FHIT: variants seen among roughly 807,000 people sequenced by gnomAD.
FHIT encodes fragile histidine triad diadenosine triphosphatase.
FHIT carries 19 observed loss-of-function variants against 17.9 expected under a neutral mutation model. The ratio of observed to expected loss-of-function variants is 1.06; its 90% CI spans 0.74 to 1.56. The LOEUF is 1.56. Ranked by LOEUF, FHIT falls within the 40% of genes most tolerant of loss-of-function variation. FHIT has a pLI of 0.00. For missense variants in FHIT, 248 were observed against 189.2 expected (o/e 1.31, Z -1.82); for synonymous variants, 81 against 69.7 (o/e 1.16, Z -0.81).
intron 4 of FHIT, among the ~76,000 whole-genome samples, chr3:60,537,670 G>T (rs989978994): frequency 6.6e-6 from 1 of 152,142 alleles, no homozygotes; most frequent in Non-Finnish European, 1.5e-5. Flanking sequence ...GGGGGCCGGG[G>T]GCAGGAAAGG....
At chr3:60,218,228 G>A (rs1703790189) in intron 5 of FHIT, among the ~76,000 whole-genome samples, 1 of 152,058 alleles carries the variant, frequency 6.6e-6, no homozygotes. Context: ...ATTAAACTAT[G>A]GCTTGTGAAA....
At chr3:60,566,200 G>T (rs2037127032) in intron 4 of FHIT, among the ~76,000 whole-genome samples, 1 of 152,102 alleles carries the variant, frequency 6.6e-6, no homozygotes, top group Admixed American at 6.6e-5. Context: ...TTTGGAATCA[G>T]TGCGGTGCGG....
chr3:60,171,320 T>C (rs1322847391), intron 5 of FHIT, among the ~76,000 whole-genome samples: 1 of 152,152 alleles, frequency 6.6e-6, no homozygotes, highest in African/African-American at 2.4e-5. Context: ...TACAGAAACA[T>C]TCAGACAACT....
chr3:60,217,261 G>GT (rs933514590), intron 5 of FHIT, among the ~76,000 whole-genome samples: 13 of 152,052 alleles, frequency 8.5e-5, no homozygotes, highest in African/African-American at 1.2e-4. Flanking sequence ...CTAATTTGAT[G>GT]TTTTTTTACT....
chr3:60,614,478 C>T (rs981366939), intron 4 of FHIT, among the ~76,000 whole-genome samples: 6 of 152,042 alleles, frequency 3.9e-5, no homozygotes, highest in African/African-American at 1.4e-4. Context: ...GTGGCAGATG[C>T]CTCTAATCCC....
chr3:60,756,332 CCTTAGAAG>C (rs1309023678), intron 4 of FHIT, among the ~76,000 whole-genome samples: 10 of 152,106 alleles, frequency 6.6e-5, no homozygotes, highest in Middle Eastern at 3.4e-3. Context: ...TCACATTGTC[CCTTAGAAG>C]CTCGAAGTAC....
At chr3:60,225,948 G>T (rs1228349032) in intron 5 of FHIT, among the ~76,000 whole-genome samples, 1 of 152,152 alleles carries the variant, frequency 6.6e-6, no homozygotes, top group African/African-American at 2.4e-5. Context: ...ACATTTCTGT[G>T]GGTGCCTGTG....
intron 5 of FHIT, among the ~76,000 whole-genome samples, chr3:60,433,507 A>T (rs1354325267): frequency 1.3e-5 from 2 of 152,014 alleles, no homozygotes; most frequent in African/African-American, 4.8e-5. Context: ...TTCTATAATC[A>T]TTGCATCGTT....
At chr3:60,173,915 A>ATATATATATATATATTTTTTTTTTTT in intron 5 of FHIT, among the ~76,000 whole-genome samples, 11 of 66,430 alleles carry the variant, frequency 1.7e-4, no homozygotes, top group South Asian at 4.7e-4. Flanking sequence ...ATATATATAT[A>ATATATATATATATATTTTTTTTTTTT]TGTTTTTTTT....
intron 4 of FHIT, among the ~76,000 whole-genome samples, chr3:60,564,407 G>A (rs916691364): frequency 2.6e-5 from 4 of 152,100 alleles, no homozygotes; most frequent in Non-Finnish European, 5.9e-5. Flanking sequence ...AGATCAAGGA[G>A]GAATTCTGAC....
chr3:60,231,244 T>C (rs1704481837), intron 5 of FHIT, among the ~76,000 whole-genome samples: 1 of 152,032 alleles, frequency 6.6e-6, no homozygotes, highest in Non-Finnish European at 1.5e-5. Context: ...TATGTACACA[T>C]ACACATACAC....
chr3:60,431,266 A>T (rs1379125954), intron 5 of FHIT, among the ~76,000 whole-genome samples: 1 of 151,958 alleles, frequency 6.6e-6, no homozygotes, highest in Non-Finnish European at 1.5e-5. Flanking sequence ...CTTACATGCA[A>T]CATTCTTGCT....
chr3:60,341,154 T>C (rs964924166), intron 5 of FHIT, among the ~76,000 whole-genome samples: 2 of 152,174 alleles, frequency 1.3e-5, no homozygotes, highest in African/African-American at 2.4e-5. Flanking sequence ...TATCCTTGAG[T>C]ACACAGAAGG....
At chr3:60,888,379 A>T (rs1553759804) in intron 3 of FHIT, among the ~76,000 whole-genome samples, 1 of 152,178 alleles carries the variant, frequency 6.6e-6, no homozygotes, top group Non-Finnish European at 1.5e-5. Flanking sequence ...TAGGAATACA[A>T]AGATTATAGT....
At chr3:60,040,813 A>G (rs1329080034) in intron 5 of FHIT, among the ~76,000 whole-genome samples, 2 of 152,088 alleles carry the variant, frequency 1.3e-5, no homozygotes, top group East Asian at 1.9e-4. Context: ...GAGGGGAATG[A>G]CATGATTTCT....
At chr3:61,237,683 C>T (rs2040266357) in intron 1 of FHIT, among the ~76,000 whole-genome samples, 1 of 152,182 alleles carries the variant, frequency 6.6e-6, no homozygotes, top group South Asian at 2.1e-4. Context: ...GAGTATGTAT[C>T]AGGCACTGTG....
Position 60,356,753 on chromosome 3 carries a change from C to CAAAAAAAAAAAAAA in FHIT, c.103+180093_103+180106dup. ...CTATTATATAGCAGGAAGACAGAGACAAAAAAAAAAAAAAAAAAAAAAAAA... is the reference window on the plus strand; with the variant it reads ...CTATTATATAGCAGGAAGACAGAGACAAAAAAAAAAAAAAAAAAAAAAAAAAAAAAAAAAAAAAA... On this transcript the variant is annotated intron_variant, in intron 5 of 9. Transcript: ENST00000492590. Among the ~76,000 whole-genome samples, 61 of 58,668 alleles carry CAAAAAAAAAAAAAA rather than the reference C, an allele frequency of 1.0e-3. 1 individual carries two copies. Among genetic ancestry groups the CAAAAAAAAAAAAAA allele is most frequent in the South Asian group, 2.2e-3 (3 of 1,376 alleles). 38.5% of individuals were successfully genotyped at this position (58,668 alleles called of 152,430 possible).
chr3:61,218,620 T>G (rs566788696), intron 1 of FHIT, among the ~76,000 whole-genome samples: 9 of 152,060 alleles, frequency 5.9e-5, no homozygotes, highest in Non-Finnish European at 8.8e-5. Context: ...GCAGAGTGAG[T>G]GTAGAAGAGA....
intron 3 of FHIT, among the ~76,000 whole-genome samples, chr3:61,032,619 G>A (rs1046120363): frequency 6.6e-6 from 1 of 152,134 alleles, no homozygotes; most frequent in African/African-American, 2.4e-5. Context: ...AAGCAAAGGG[G>A]CTAATAGACC....
Sources: gnomAD v4.1 joint callset for allele counts (sites outside exome capture counted in the v4.1 genomes callset) on GRCh38, gnomAD v4.1.1 for gene constraint, MANE v1.5 for transcripts, NCBI Gene and HGNC (gene_info 2026-07-23, HGNC 2026-07-21) for gene names.